The following EXD3 variants were observed in gnomAD, a reference collection of about 807,000 sequenced individuals.
The protein encoded by EXD3 is exonuclease mut-7 homolog.
EXD3 carries 92 observed loss-of-function variants against 98.0 expected under a neutral mutation model. That is an observed-to-expected ratio of 0.94 (90% CI 0.79 to 1.12). EXD3 has a LOEUF of 1.12. Ranked by LOEUF, EXD3 falls within the 50% of genes most tolerant of loss-of-function variation. The pLI, the probability that EXD3 is intolerant of heterozygous loss-of-function variation, is 0.00. For synonymous variants in EXD3, 569 were observed against 526.0 expected (o/e 1.08, Z -1.12); for missense variants, 1,222 against 1,191.6 (o/e 1.03, Z -0.38).
intron 19 of EXD3, among the ~76,000 whole-genome samples, chr9:137,322,671 T>C (rs13295428): frequency 5.6e-4 from 32 of 57,232 alleles, no homozygotes; most frequent in Admixed American, 1.9e-3. Context: ...CCGAGGGATT[T>C]TCTGCCGACA....
At chr9:137,375,181 G>A (rs1035727027) in intron 3 of EXD3, among the ~76,000 whole-genome samples, 3 of 152,148 alleles carry the variant, frequency 2.0e-5, no homozygotes, top group Non-Finnish European at 2.9e-5. Context: ...GCTAATTTTT[G>A]TATTTTTAGT....
At chr9:137,321,695 C>A (rs73668240) in intron 19 of EXD3, among the ~76,000 whole-genome samples, 1 of 152,084 alleles carries the variant, frequency 6.6e-6, no homozygotes, top group East Asian at 1.9e-4. Flanking sequence ...CCCCAAAAAA[C>A]CCCAGGAAAC....
At position 137,347,288 on chromosome 9, in the gene EXD3, T is replaced by A. The variant is rs1833987079; in HGVS notation, c.1998+783A>T. Among the ~76,000 whole-genome samples the A allele has an allele frequency of 1.3e-5, 2 of 152,202 alleles. No individual in the cohort carries two copies. The highest frequency in any genetic ancestry group is 4.8e-5 in the African/African-American group (2 of 41,456). On this transcript the variant is annotated intron_variant, in intron 17 of 21. Coordinates refer to ENST00000340951, the MANE Select transcript of EXD3 (RefSeq NM_017820.5). The surrounding 1 kb of genome is among the most constrained non-coding windows in gnomAD (Gnocchi z 4.2). ...TCTTAGGAGACTCCGGGGAAGAACCTGCTTCTGGGCTTGGTCAGGTGTTGG... is the reference window on the plus strand; with the variant it reads ...TCTTAGGAGACTCCGGGGAAGAACCAGCTTCTGGGCTTGGTCAGGTGTTGG...
Position 137,351,452 on chromosome 9 carries a change from A to T in EXD3, c.1250T>A (p.Leu417Gln). ...CACGTGGCCCTCCACGGCCACCTGC[A>T]GGAGTGACGGCCGAGGCCGGCCCCC... Reference protein sequence around the residue: ...VAGGRPRPSLLQVAVEGHVFL... With the variant: ...VAGGRPRPSLQQVAVEGHVFL... The change falls in exon 13 of 22, where the codon CTG becomes CAG. Residue 417 changes from leucine (L) to glutamine (Q), a missense_variant. Transcript: ENST00000340951. The T allele has an allele frequency of 6.2e-7, 1 of 1,604,172 alleles. No homozygotes were observed.
At position 137,373,417 on chromosome 9, in the gene EXD3, T is replaced by C; in HGVS notation, c.294+9A>G. ...AGGGAGGTGACTGTCACAGAACCCA[T>C]GGGCTCACCTGGGCCAGGCTCGGGC... On this transcript the variant is annotated intron_variant, in intron 4 of 21. Coordinates refer to ENST00000340951, the MANE Select transcript of EXD3 (RefSeq NM_017820.5). 1 of 1,604,462 alleles carries C rather than the reference T, an allele frequency of 6.2e-7. No homozygotes were observed. The highest frequency in any genetic ancestry group is 2.2e-5 in the East Asian group (1 of 44,828).
rs577466210 is a variant in EXD3 at position 137,374,474 on chromosome 9, A to G, written c.121-875T>C. ...GATGGTGTGCTCTCCACGGGGCTCC[A>G]GGAGCAACATCCTGAGGCTGCCGCG... On this transcript the variant is annotated intron_variant, in intron 3 of 21. Coordinates refer to ENST00000340951, the MANE Select transcript of EXD3 (RefSeq NM_017820.5). The G allele has an allele frequency of 1.9e-5, 15 of 809,962 alleles. No individual in the cohort carries two copies. The East Asian group carries it at 1.6e-3, about 88-fold the overall frequency. The allele number at this position is 809,962 out of a possible 1,614,324, so 50.2% of individuals were successfully genotyped here. A position where few individuals can be genotyped will look rare whatever the true frequency, so the allele number is the denominator to read the frequency against.
In EXD3 at chr9:137,354,731, A is replaced by G; in HGVS notation, c.800T>C (p.Leu267Pro). 6.2e-7 allele frequency: 1 copy of G among 1,610,840 alleles called. No homozygotes were observed. Among genetic ancestry groups the G allele is most frequent in the African/African-American group, 1.3e-5 (1 of 75,048 alleles). ...AAACCGCTTGTGGCACAGGTGCCGCAGGGCCGCCAGGCGCTGCTGAATGGC... is the reference window on the plus strand; with the variant it reads ...AAACCGCTTGTGGCACAGGTGCCGCGGGGCCGCCAGGCGCTGCTGAATGGC... ...NAAIQQRLAALRHLCHKRFVE... is the reference protein window; with the variant it reads ...NAAIQQRLAAPRHLCHKRFVE... The change falls in exon 9 of 22, where the codon CTG becomes CCG. Residue 267 changes from leucine (L) to proline (P), a missense_variant. Physicochemically the swap from Leu to Pro is moderately conservative, Grantham distance 98 (BLOSUM62 -3). Coordinates refer to ENST00000340951, the MANE Select transcript of EXD3 (RefSeq NM_017820.5).
At chr9:137,381,705 A>G (rs1836280475) in intron 3 of EXD3, among the ~76,000 whole-genome samples, 1 of 152,126 alleles carries the variant, frequency 6.6e-6, no homozygotes, top group African/African-American at 2.4e-5. Context: ...GAGTTCTCCA[A>G]AATCCTGGTC....
chr9:137,348,182 G>A lies in EXD3; in HGVS notation c.1887C>T (p.Ala629=). The A allele has an allele frequency of 6.2e-7, 1 of 1,611,716 alleles. No individual in the cohort carries two copies. The highest frequency in any genetic ancestry group is 8.5e-7 in the Non-Finnish European group (1 of 1,179,608). The change falls in exon 17 of 22, where the codon GCC becomes GCT. Residue 629 remains alanine (A), a synonymous_variant. Coordinates refer to ENST00000340951, the MANE Select transcript of EXD3 (RefSeq NM_017820.5). ...EGAAPQIPAR[A]FRVVCDNMLQ... ...GCATGTTGTCACACACCACACGGAA[G>A]GCCCTGGCCGGAATCTGAGGGGCAG... is the stretch of plus-strand genomic sequence containing the variant.
chr9:137,332,154 C>A (rs1421532986), intron 17 of EXD3, among the ~76,000 whole-genome samples: 1 of 152,168 alleles, frequency 6.6e-6, no homozygotes, highest in Non-Finnish European at 1.5e-5. Context: ...GTGAAATAAC[C>A]AAACTGCCCA....
At chr9:137,366,016 G>A (rs902444545) in intron 7 of EXD3, 10 of 613,710 alleles carry the variant, frequency 1.6e-5, no homozygotes, top group Non-Finnish European at 2.7e-5. Context: ...ATGCACATGG[G>A]CACACACATA....
rs116981624 is a variant in EXD3 at position 137,407,486 on chromosome 9, G to A, written c.-47-12082C>T. Among the ~76,000 whole-genome samples, 1 of 152,156 alleles carries A rather than the reference G, an allele frequency of 6.6e-6. No homozygotes were observed. Among genetic ancestry groups the A allele is most frequent in the Non-Finnish European group, 1.5e-5 (1 of 68,020 alleles). ...GCAAAGGGCAGGTCTGGCCGCTCTC[G>A]GGCTCTGCCCTGCCAGCCCCACAAC... On this transcript the variant is annotated intron_variant, in intron 1 of 21. Coordinates refer to ENST00000340951, the MANE Select transcript of EXD3 (RefSeq NM_017820.5). This position sits in a 1 kb window ranked among gnomAD's most constrained non-coding sequence, Gnocchi z 4.4.
chr9:137,385,120 C>T lies in EXD3; in HGVS notation c.56-1743G>A, dbSNP rs537514356. Among the ~76,000 whole-genome samples, 30 of 152,274 alleles carry T rather than the reference C, an allele frequency of 2.0e-4. No homozygotes were observed. The highest frequency in any genetic ancestry group is 6.7e-4 in the African/African-American group (28 of 41,578). ...CAAAAACCAAAAAACCATAAAACAC[C>T]GTGGGGCGCCCAGGCTCCACCATGG... is the stretch of plus-strand genomic sequence containing the variant. On this transcript the variant is annotated intron_variant, in intron 2 of 21. Coordinates refer to ENST00000340951, the MANE Select transcript of EXD3 (RefSeq NM_017820.5). The surrounding 1 kb of genome is among the most constrained non-coding windows in gnomAD (Gnocchi z 4.4).
rs1267578798 is a variant in EXD3 at position 137,315,947 on chromosome 9, G to A, written c.2185-6247C>T. ...CGCCCCCACACCGTCCCCATCCCAGGGGATGGCAGCTCCCCCCTCCCCCTC... is the reference window on the plus strand; with the variant it reads ...CGCCCCCACACCGTCCCCATCCCAGAGGATGGCAGCTCCCCCCTCCCCCTC... On this transcript the variant is annotated intron_variant, in intron 19 of 21. Transcript: ENST00000340951. Among the ~76,000 whole-genome samples, 3 of 151,302 alleles carry A rather than the reference G, an allele frequency of 2.0e-5. No individual in the cohort carries two copies. In the East Asian group the frequency reaches 6.0e-4, roughly 30 times the overall value.
chr9:137,372,856 C>T (rs370626416), intron 5 of EXD3, 49 bp downstream of exon 5: 14 of 1,581,948 alleles, frequency 8.8e-6, no homozygotes, highest in Non-Finnish European at 1.1e-5. Flanking sequence ...CCTTGCCCCA[C>T]CGCCCGAGAA....
rs555333281 is a variant in EXD3 at position 137,382,261 on chromosome 9, C to T, written c.120+1052G>A. 1.5e-4 allele frequency among the ~76,000 whole-genome samples: 23 copies of T among 151,876 alleles called. No homozygotes were observed. The South Asian group carries it at 2.3e-3, about 15-fold the overall frequency. On this transcript the variant is annotated intron_variant, in intron 3 of 21. Coordinates refer to ENST00000340951, the MANE Select transcript of EXD3 (RefSeq NM_017820.5). ...TGCCTGACGGCCTCATGGCTGTCAG[C>T]GGAGCCCGGAGCAGATCTCAGCCCT...
intron 20 of EXD3, among the ~76,000 whole-genome samples, chr9:137,308,122 C>T (rs892869686): frequency 2.0e-5 from 3 of 151,992 alleles, no homozygotes; most frequent in Admixed American, 6.5e-5. Context: ...TGTGAGGCCC[C>T]GAGCCCCCAT....
At chr9:137,357,320 A>G (rs910664019) in intron 7 of EXD3, 2 of 152,148 alleles carry the variant, frequency 1.3e-5, no homozygotes, top group Admixed American at 6.6e-5. Context: ...TCAGCGATGA[A>G]TTACTTAGGA....
At chr9:137,374,029 C>A (rs75974445) in intron 3 of EXD3, among the ~76,000 whole-genome samples, 3 of 152,228 alleles carry the variant, frequency 2.0e-5, no homozygotes, top group African/African-American at 7.2e-5. Flanking sequence ...ATCCCTGACC[C>A]GCAGGAGATT....
Sources: gnomAD v4.1 joint callset for allele counts (sites outside exome capture counted in the v4.1 genomes callset) on GRCh38, gnomAD v4.1.1 for gene constraint, Gnocchi (gnomAD v3.1) non-coding constraint, MANE v1.5 for transcripts, NCBI Gene and HGNC (gene_info 2026-07-23, HGNC 2026-07-21) for gene names.